Variants in CAST observed in about 807,000 individuals in gnomAD.
CAST encodes the protein calpastatin, also known as MIR583 host.
In CAST, 76 loss-of-function variants were observed where a neutral mutation model predicts 119.6. The ratio of observed to expected loss-of-function variants is 0.64; its 90% CI spans 0.53 to 0.77. CAST has a LOEUF of 0.77. Ranked by LOEUF, CAST falls within the 30% of genes least tolerant of loss-of-function variation. The pLI is 0.00. For missense variants in CAST, 953 were observed against 946.5 expected (o/e 1.01, Z -0.09); for synonymous variants, 319 against 331.6 (o/e 0.96, Z 0.41).
the CAST span, among the ~76,000 whole-genome samples, chr5:96,289,138 G>A: frequency 6.6e-6 from 1 of 151,398 alleles, no homozygotes; most frequent in Non-Finnish European, 1.5e-5. Context: ...TGGGCACAGT[G>A]GGTACTTGTT....
At chr5:96,565,566 A>G (rs1246107501) in intron 1 of CAST, among the ~76,000 whole-genome samples, 2 of 152,244 alleles carry the variant, frequency 1.3e-5, no homozygotes, top group East Asian at 3.8e-4. Context: ...TTGGACCACT[A>G]TAATTATTCT....
At chr5:96,366,012 G>C in the CAST span, among the ~76,000 whole-genome samples, 2 of 152,150 alleles carry the variant, frequency 1.3e-5, no homozygotes, top group East Asian at 3.8e-4. Context: ...AGCTCTTTTA[G>C]GGCAGGCCTG....
chr5:96,079,175 G>A, the CAST span: 2 of 473,570 alleles, frequency 4.2e-6, no homozygotes, highest in Non-Finnish European at 4.4e-6. Flanking sequence ...TCCCATTACT[G>A]CAGGGATCTT....
At chr5:96,031,316 C>T in the CAST span, among the ~76,000 whole-genome samples, 4 of 148,956 alleles carry the variant, frequency 2.7e-5, no homozygotes, top group African/African-American at 9.9e-5. Flanking sequence ...TTTTTCTAGT[C>T]TTCTGGTGGT....
intron 3 of CAST, among the ~76,000 whole-genome samples, chr5:96,701,014 C>G (rs1753823270): frequency 6.6e-6 from 1 of 151,984 alleles, no homozygotes; most frequent in Non-Finnish European, 1.5e-5. Flanking sequence ...GCAACCTCCA[C>G]CTTCCAGGTT....
chr5:96,418,760 T>C, the CAST span, among the ~76,000 whole-genome samples: 1 of 152,198 alleles, frequency 6.6e-6, no homozygotes, highest in Non-Finnish European at 1.5e-5. Context: ...TACCTTCTGA[T>C]AAATGATAAG....
At chr5:96,399,900 A>G in the CAST span, 1 of 1,356,510 alleles carries the variant, frequency 7.4e-7, no homozygotes, top group Non-Finnish European at 1.1e-6. Flanking sequence ...CAAACATAGT[A>G]ATGAAATTAT....
intron 1 of CAST, among the ~76,000 whole-genome samples, chr5:96,570,778 A>G (rs1746554508): frequency 6.6e-6 from 1 of 152,214 alleles, no homozygotes; most frequent in South Asian, 2.1e-4. Flanking sequence ...CTGAAACATC[A>G]TAAGGTAACC....
the CAST span, among the ~76,000 whole-genome samples, chr5:96,354,413 A>G: frequency 4.7e-4 from 72 of 152,258 alleles, 1 homozygote; most frequent in East Asian, 0.013. Context: ...AGCCATTTTG[A>G]ACTCCTTCAA....
the CAST span, among the ~76,000 whole-genome samples, chr5:96,234,291 G>A: frequency 6.6e-6 from 1 of 152,146 alleles, no homozygotes; most frequent in Non-Finnish European, 1.5e-5. Flanking sequence ...GGGGCTGGAA[G>A]GAAGTGTTCA....
intron 1 of CAST, among the ~76,000 whole-genome samples, chr5:96,645,699 T>C (rs166340): frequency 0.22 from 32,977 of 151,724 alleles, 4,296 homozygotes; most frequent in South Asian, 0.28. Context: ...AAAATATTAA[T>C]TAGTGGGAAA....
At chr5:96,534,003 G>T (rs1247581777) in intron 1 of CAST, among the ~76,000 whole-genome samples, 2 of 152,160 alleles carry the variant, frequency 1.3e-5, no homozygotes, top group African/African-American at 4.8e-5. Context: ...GAAAACAATT[G>T]ACAGTGTATA....
the CAST span, among the ~76,000 whole-genome samples, chr5:96,063,235 C>T: frequency 6.6e-6 from 1 of 152,162 alleles, no homozygotes; most frequent in African/African-American, 2.4e-5. Context: ...TCAGCTGAAT[C>T]TCTGCCTGGG....
the CAST span, among the ~76,000 whole-genome samples, chr5:96,035,955 A>G: frequency 1.3e-5 from 2 of 151,760 alleles, no homozygotes; most frequent in African/African-American, 4.8e-5. Context: ...CTCTTTGCCT[A>G]CTCTGCATTT....
the CAST span, among the ~76,000 whole-genome samples, chr5:96,156,563 G>A: frequency 6.6e-6 from 1 of 152,312 alleles, no homozygotes; most frequent in South Asian, 2.1e-4. Context: ...GAAAAAGAAA[G>A]TTGTATGTAA....
chr5:96,107,801 T>C, the CAST span, among the ~76,000 whole-genome samples: 2 of 152,374 alleles, frequency 1.3e-5, no homozygotes, highest in South Asian at 4.1e-4. Flanking sequence ...TTCTCCTGGA[T>C]AATATCCTGC....
chr5:95,990,899 G>A, the CAST span, among the ~76,000 whole-genome samples: 3 of 151,798 alleles, frequency 2.0e-5, no homozygotes, highest in Non-Finnish European at 2.9e-5. Context: ...CCACCACACC[G>A]AGCCCATTTT....
chr5:96,575,496 T>C (rs1222459123), intron 1 of CAST, among the ~76,000 whole-genome samples: 2 of 152,086 alleles, frequency 1.3e-5, no homozygotes, highest in Non-Finnish European at 1.5e-5. Flanking sequence ...GGGAAAAGCG[T>C]TTAGTCCTTT....
chr5:96,561,996 G>T (rs1207143223), intron 1 of CAST, among the ~76,000 whole-genome samples: 2 of 150,138 alleles, frequency 1.3e-5, no homozygotes, highest in Admixed American at 6.7e-5. Context: ...GTTTCACCGT[G>T]TTAGCCAGGA....
Sources: allele counts gnomAD v4.1 joint callset (sites outside exome capture counted in the v4.1 genomes callset), GRCh38; gene constraint gnomAD v4.1.1; transcripts MANE v1.5; gene names NCBI Gene and HGNC (gene_info 2026-07-23, HGNC 2026-07-21).